The following RNGTT variants were observed in gnomAD, a reference collection of about 807,000 sequenced individuals.
The protein encoded by RNGTT is RNA guanylyltransferase and 5'-phosphatase, also known as mRNA-capping enzyme.
A neutral mutation model predicts 79.3 loss-of-function variants in RNGTT; 33 were observed. That is an observed-to-expected ratio of 0.42 (90% CI 0.32 to 0.56). The LOEUF is 0.56. RNGTT is among the 20% of genes least tolerant of loss of function. The pLI is 0.17. For missense variants in RNGTT, 497 were observed against 739.1 expected, an observed-to-expected ratio of 0.67 and a Z score of 3.80; for synonymous variants, 222 against 235.9, an observed-to-expected ratio of 0.94 and a Z score of 0.54.
chr6:88,787,340 T>G (rs1236083150), intron 12 of RNGTT, among the ~76,000 whole-genome samples: 2 of 151,950 alleles, frequency 1.3e-5, no homozygotes, highest in Non-Finnish European at 2.9e-5. Flanking sequence ...GCACTAGAGA[T>G]TAAGGAAGAT....
At chr6:88,629,695 A>G (rs927819734) in intron 14 of RNGTT, among the ~76,000 whole-genome samples, 14 of 152,188 alleles carry the variant, frequency 9.2e-5, no homozygotes, top group African/African-American at 3.1e-4. Context: ...CAGAGGATCT[A>G]TTCTAAATTA....
At chr6:88,770,564 G>A (rs544545565) in intron 12 of RNGTT, among the ~76,000 whole-genome samples, 1 of 152,232 alleles carries the variant, frequency 6.6e-6, no homozygotes, top group South Asian at 2.1e-4. Context: ...GGATATCTGG[G>A]TTGTTTCCAG....
At chr6:88,688,961 T>C (rs1241659573) in intron 13 of RNGTT, among the ~76,000 whole-genome samples, 1 of 152,206 alleles carries the variant, frequency 6.6e-6, no homozygotes, top group Non-Finnish European at 1.5e-5. Context: ...ATTATAAGAA[T>C]ATAGTGTATA....
chr6:88,614,044 AC>A (rs1772129044), intron 15 of RNGTT, among the ~76,000 whole-genome samples: 1 of 152,162 alleles, frequency 6.6e-6, no homozygotes, highest in Non-Finnish European at 1.5e-5. Context: ...TGCCCTTTAA[AC>A]TTCTCTTTTG....
chr6:88,627,567 T>G (rs1352836827), intron 14 of RNGTT, among the ~76,000 whole-genome samples: 1 of 152,098 alleles, frequency 6.6e-6, no homozygotes, highest in East Asian at 1.9e-4. Flanking sequence ...TCTAATGTGG[T>G]TATGTGGGAG....
At chr6:88,673,448 T>C (rs895205781) in intron 14 of RNGTT, among the ~76,000 whole-genome samples, 1 of 152,236 alleles carries the variant, frequency 6.6e-6, no homozygotes, top group Non-Finnish European at 1.5e-5. Flanking sequence ...TGAACTATGA[T>C]TTTAAAATTG....
intron 14 of RNGTT, among the ~76,000 whole-genome samples, chr6:88,637,797 G>A (rs1004648682): frequency 5.3e-5 from 8 of 152,104 alleles, no homozygotes; most frequent in African/African-American, 1.9e-4. Context: ...GATGATTGTG[G>A]TAAAGAAATA....
chr6:88,685,342 A>G (rs1775236825), intron 13 of RNGTT, among the ~76,000 whole-genome samples: 1 of 152,216 alleles, frequency 6.6e-6, no homozygotes, highest in Admixed American at 6.5e-5. Context: ...AATGTACCAC[A>G]CTAGTGCAAC....
intron 11 of RNGTT, among the ~76,000 whole-genome samples, chr6:88,834,007 C>T (rs559645819): frequency 2.0e-5 from 3 of 152,060 alleles, no homozygotes; most frequent in East Asian, 3.9e-4. Flanking sequence ...GGCGACAGAG[C>T]GAGACTTCGT....
At chr6:88,899,723 ATCT>A (rs1370494242) in intron 6 of RNGTT, among the ~76,000 whole-genome samples, 4 of 152,228 alleles carry the variant, frequency 2.6e-5, no homozygotes, top group African/African-American at 9.6e-5. Flanking sequence ...TGAGCTAGAC[ATCT>A]TCTACAGCTT....
intron 13 of RNGTT, among the ~76,000 whole-genome samples, chr6:88,703,098 G>C (rs1776000128): frequency 6.6e-6 from 1 of 152,166 alleles, no homozygotes; most frequent in Non-Finnish European, 1.5e-5. Flanking sequence ...TTCTACACTT[G>C]GGAGGAATGT....
In RNGTT at chr6:88,842,251, T is replaced by C. The variant is rs559853276; in HGVS notation, c.1269+2106A>G. ...TAGTTTATATACAAAGAAATAAGAA[T>C]CTCACCAAAAGCACAAATGAGAAAT... On this transcript the variant is annotated intron_variant, in intron 11 of 15. Coordinates refer to ENST00000369485, the MANE Select transcript of RNGTT (RefSeq NM_003800.5). Among the ~76,000 whole-genome samples the C allele has an allele frequency of 5.3e-5, 8 of 151,828 alleles. No homozygotes were observed. In the South Asian group the frequency reaches 1.5e-3, roughly 28 times the overall value.
chr6:88,842,151 G>A (rs1272831666), intron 11 of RNGTT, among the ~76,000 whole-genome samples: 1 of 152,006 alleles, frequency 6.6e-6, no homozygotes, highest in Admixed American at 6.6e-5. Context: ...AGTCAGAGAA[G>A]AAAAACAAAT....
intron 1 of RNGTT, among the ~76,000 whole-genome samples, chr6:88,952,131 GA>G (rs1465465741): frequency 6.6e-6 from 1 of 152,082 alleles, no homozygotes; most frequent in East Asian, 1.9e-4. Flanking sequence ...GGAGCTGGGT[GA>G]AGCCTTTCAT....
At chr6:88,829,721 A>AAAC (rs1780791121) in intron 11 of RNGTT, among the ~76,000 whole-genome samples, 16 of 115,580 alleles carry the variant, frequency 1.4e-4, no homozygotes, top group Admixed American at 3.5e-4. Context: ...AAAAAAAAAA[A>AAAC]AAACCAGGGG....
chr6:88,750,327 G>C (rs1777799828), intron 13 of RNGTT, among the ~76,000 whole-genome samples: 1 of 152,114 alleles, frequency 6.6e-6, no homozygotes, highest in Non-Finnish European at 1.5e-5. Context: ...AGACCAGTTA[G>C]AGGCTACCAC....
intron 14 of RNGTT, among the ~76,000 whole-genome samples, chr6:88,634,507 A>G (rs1238669604): frequency 2.0e-5 from 3 of 152,176 alleles, no homozygotes; most frequent in Non-Finnish European, 4.4e-5. Context: ...CTAAGAATGC[A>G]TAGGGCTAAA....
intron 1 of RNGTT, among the ~76,000 whole-genome samples, chr6:88,956,205 A>G (rs1785426838): frequency 6.6e-6 from 1 of 152,002 alleles, no homozygotes; most frequent in Non-Finnish European, 1.5e-5. Flanking sequence ...AAGATCATTC[A>G]ATAGTACTAT....
intron 13 of RNGTT, among the ~76,000 whole-genome samples, chr6:88,680,568 C>G (rs181104638): frequency 6.6e-6 from 1 of 151,530 alleles, no homozygotes; most frequent in Non-Finnish European, 1.5e-5. Flanking sequence ...ATGGAGAAAC[C>G]CCGTCTCTAC....
Sources: gnomAD v4.1 joint callset for allele counts (sites outside exome capture counted in the v4.1 genomes callset) on GRCh38, gnomAD v4.1.1 for gene constraint, MANE v1.5 for transcripts, NCBI Gene and HGNC (gene_info 2026-07-23, HGNC 2026-07-21) for gene names.